Variants in RIMS2 observed in about 807,000 individuals in gnomAD.
RIMS2 encodes regulating synaptic membrane exocytosis protein 2.
A neutral mutation model predicts 174.4 loss-of-function variants in RIMS2; 59 were observed. The observed-to-expected ratio is 0.34, with a 90% confidence interval of 0.27 to 0.42. The LOEUF (loss-of-function observed/expected upper bound fraction) is 0.42. Ranked by LOEUF, RIMS2 falls within the 10% of genes least tolerant of loss-of-function variation. The pLI, the probability that RIMS2 is intolerant of heterozygous loss-of-function variation, is 1.00. For synonymous variants in RIMS2, 606 were observed against 572.5 expected, an observed-to-expected ratio of 1.06 and a Z score of -0.84; for missense variants, 1,620 against 1,666.3, an observed-to-expected ratio of 0.97 and a Z score of 0.48.
intron 2 of RIMS2, among the ~76,000 whole-genome samples, chr8:103,734,866 G>A (rs754855126): frequency 6.6e-6 from 1 of 151,910 alleles, no homozygotes; most frequent in Non-Finnish European, 1.5e-5. Flanking sequence ...TTATTATAAG[G>A]CCTGAAATAC....
At chr8:104,127,176 A>T (rs914976468) in intron 19 of RIMS2, among the ~76,000 whole-genome samples, 2 of 152,174 alleles carry the variant, frequency 1.3e-5, no homozygotes, top group Non-Finnish European at 2.9e-5. Flanking sequence ...AACTTTTTCC[A>T]TAAGTATGCC....
chr8:103,776,342 C>T (rs1205376856), intron 3 of RIMS2, among the ~76,000 whole-genome samples: 3 of 151,968 alleles, frequency 2.0e-5, no homozygotes, highest in African/African-American at 7.2e-5. Context: ...CATTGCTGTG[C>T]CATTTGCCTT....
chr8:104,181,207 A>G (rs1563589059), intron 19 of RIMS2, among the ~76,000 whole-genome samples: 1 of 151,616 alleles, frequency 6.6e-6, no homozygotes, highest in South Asian at 2.1e-4. Flanking sequence ...TGACCAAATA[A>G]CCCTTTGTCT....
chr8:103,675,450 G>A (rs929618552), intron 1 of RIMS2, among the ~76,000 whole-genome samples: 6 of 152,148 alleles, frequency 3.9e-5, no homozygotes, highest in African/African-American at 1.2e-4. Context: ...GGCTTGACTC[G>A]GCCCTGCAGC....
chr8:103,830,761 T>C (rs960870412), intron 3 of RIMS2, among the ~76,000 whole-genome samples: 4 of 152,240 alleles, frequency 2.6e-5, no homozygotes, highest in African/African-American at 9.6e-5. Context: ...CAGCTTTTGC[T>C]CTATGTGCCT....
At chr8:103,550,587 G>A (rs1258303645) in intron 1 of RIMS2, among the ~76,000 whole-genome samples, 1 of 151,726 alleles carries the variant, frequency 6.6e-6, no homozygotes, top group African/African-American at 2.4e-5. Context: ...CTAGCAGAAG[G>A]CAAGAAATAA....
chr8:103,577,027 T>A (rs1048113115), intron 1 of RIMS2, among the ~76,000 whole-genome samples: 3 of 152,186 alleles, frequency 2.0e-5, no homozygotes, highest in Non-Finnish European at 2.9e-5. Flanking sequence ...AAAGACTTTA[T>A]GACTAAAACA....
intron 19 of RIMS2, among the ~76,000 whole-genome samples, chr8:104,040,361 A>G (rs1465191180): frequency 6.6e-6 from 1 of 151,682 alleles, no homozygotes; most frequent in African/African-American, 2.4e-5. Flanking sequence ...ATCTGTGTCA[A>G]TCATACTAGT....
chr8:104,018,023 C>A (rs1051465392), intron 19 of RIMS2, among the ~76,000 whole-genome samples: 2 of 151,854 alleles, frequency 1.3e-5, no homozygotes, highest in Non-Finnish European at 2.9e-5. Flanking sequence ...TGCAGTGAGC[C>A]GTGATTGTGC....
At position 104,009,861 on chromosome 8, in the gene RIMS2, C is replaced by T. The variant is rs73295557; in HGVS notation, c.3045-3581C>T. ...TTAATACAGACTAGGTCCTGAGTTACATATTGGGGAAATTTTCATTGATTT... is the reference window on the plus strand; with the variant it reads ...TTAATACAGACTAGGTCCTGAGTTATATATTGGGGAAATTTTCATTGATTT... On this transcript the variant is annotated intron_variant, in intron 17 of 23. Coordinates refer to ENST00000504942, the Ensembl canonical transcript of RIMS2. Among the ~76,000 whole-genome samples the T allele has an allele frequency of 7.2e-3, 1,096 of 152,122 alleles. 16 individuals are homozygous for T. Among genetic ancestry groups the T allele is most frequent in the African/African-American group, 0.025 (1,035 of 41,506 alleles).
chr8:104,102,706 A>G (rs568647399), intron 19 of RIMS2, among the ~76,000 whole-genome samples: 51 of 152,310 alleles, frequency 3.3e-4, no homozygotes, highest in Admixed American at 2.9e-3. Context: ...GCAGCAGTCA[A>G]GAGACCATGT....
In RIMS2 at chr8:104,207,789, G is replaced by C. The variant is rs1295543333; in HGVS notation, c.3335-37127G>C. Among the ~76,000 whole-genome samples, 9 of 151,026 alleles carry C rather than the reference G, an allele frequency of 6.0e-5. 1 individual carries two copies. The highest frequency in any genetic ancestry group is 1.5e-5 in the Non-Finnish European group (1 of 67,826). Reference sequence around the variant, plus strand: ...GATCACGCCATTGCACTACAGTCTGGACAACAAGAGCAAAACTCCTTCTCA... The same window carrying C: ...GATCACGCCATTGCACTACAGTCTGCACAACAAGAGCAAAACTCCTTCTCA... On this transcript the variant is annotated intron_variant, in intron 19 of 23. Transcript: ENST00000504942.
At chr8:104,146,239 C>G (rs1293389361) in intron 19 of RIMS2, among the ~76,000 whole-genome samples, 2 of 139,840 alleles carry the variant, frequency 1.4e-5, no homozygotes, top group Admixed American at 1.4e-4. Context: ...GCCAGGTGTG[C>G]TGGCATGCAC....
chr8:104,216,379 C>T (rs13257855), intron 19 of RIMS2, among the ~76,000 whole-genome samples: 1 of 152,164 alleles, frequency 6.6e-6, no homozygotes, highest in Non-Finnish European at 1.5e-5. Flanking sequence ...TTAGCAGTTT[C>T]ATTGTCTAAT....
chr8:103,619,361 G>T (rs926254079), intron 1 of RIMS2, among the ~76,000 whole-genome samples: 1 of 151,830 alleles, frequency 6.6e-6, no homozygotes, highest in Non-Finnish European at 1.5e-5. Context: ...GTACATCAAA[G>T]AATCATGAAA....
intron 2 of RIMS2, among the ~76,000 whole-genome samples, chr8:103,699,224 T>G (rs1046575834): frequency 1.3e-5 from 2 of 152,208 alleles, no homozygotes; most frequent in African/African-American, 2.4e-5. Context: ...GTATCTTTTT[T>G]GTTCCTGCTC....
chr8:103,593,983 T>C (rs574374218), intron 1 of RIMS2, among the ~76,000 whole-genome samples: 119 of 151,762 alleles, frequency 7.8e-4, no homozygotes, highest in African/African-American at 2.8e-3. Context: ...AAAGACATAG[T>C]ATTTTAGATG....
chr8:103,548,355 C>T (rs1460291439), intron 1 of RIMS2, among the ~76,000 whole-genome samples: 1 of 152,154 alleles, frequency 6.6e-6, no homozygotes, highest in Non-Finnish European at 1.5e-5. Flanking sequence ...AAGTTTTGTT[C>T]AACATATGCC....
intron 1 of RIMS2, among the ~76,000 whole-genome samples, chr8:103,619,240 A>G (rs1437560721): frequency 2.7e-5 from 4 of 150,520 alleles, no homozygotes; most frequent in Non-Finnish European, 4.4e-5. Flanking sequence ...AGTAAAATTT[A>G]TTAGTGTCTG....
Sources: allele counts gnomAD v4.1 joint callset (sites outside exome capture counted in the v4.1 genomes callset), GRCh38; gene constraint gnomAD v4.1.1; transcripts MANE v1.5; gene names NCBI Gene and HGNC (gene_info 2026-07-23, HGNC 2026-07-21).